EPPK1: variants seen among roughly 807,000 people sequenced by gnomAD.
The protein encoded by EPPK1 is epiplakin.
For missense variants in EPPK1, 3,823 were observed against 3,673.3 expected (o/e 1.04, Z -1.05); for synonymous variants, 1,862 against 1,721.2 (o/e 1.08, Z -2.03).
intron 1 of EPPK1, among the ~76,000 whole-genome samples, chr8:143,874,867 G>C (rs1034189353): frequency 6.6e-6 from 1 of 152,026 alleles, no homozygotes; most frequent in Non-Finnish European, 1.5e-5. Flanking sequence ...CGGATCCCAC[G>C]TTTGACCCCC....
Position 143,868,762 on chromosome 8 carries a change from G to A in EPPK1, c.4492C>T (p.Leu1498=). The A allele has an allele frequency of 1.3e-6, 2 of 1,592,306 alleles. No individual in the cohort carries two copies. The highest frequency in any genetic ancestry group is 1.7e-6 in the Non-Finnish European group (2 of 1,174,458). Residue 1498 remains leucine (L), a synonymous_variant, in exon 2 of 2, where the codon CTG becomes TTG. Coordinates refer to ENST00000615648, the MANE Select transcript of EPPK1 (RefSeq NM_031308.4). ...GTGACTGCGCTGACCACCTGCCGCAGGGCCGCAGCCCTCCCAGACCGACAG... is the reference window on the plus strand; with the variant it reads ...GTGACTGCGCTGACCACCTGCCGCAAGGCCGCAGCCCTCCCAGACCGACAG... ...ALCRSGRAAA[L]RQVVSAVTTL... is the part of the protein sequence containing the mutation.
rs1217637496 is a variant in EPPK1 at position 143,868,060 on chromosome 8, T to G, written c.5194A>C (p.Asn1732His). Residue 1732 changes from asparagine to histidine, a missense_variant, in exon 2 of 2, where the codon AAC (asparagine) becomes CAC (histidine). Physicochemically the swap from Asn to His is moderately conservative, Grantham distance 68. Coordinates refer to ENST00000615648, the MANE Select transcript of EPPK1 (RefSeq NM_031308.4). Reference sequence around the variant, plus strand: ...AGGTACGTGAGGTTCTCGTGCGTGTTGGGGTCGAAGAAGCCCTTGGTGTCG... The same window carrying G: ...AGGTACGTGAGGTTCTCGTGCGTGTGGGGGTCGAAGAAGCCCTTGGTGTCG... ...SDDTKGFFDP[N>H]THENLTYLQL... 1 of 1,613,480 alleles carries G rather than the reference T, an allele frequency of 6.2e-7. No individual in the cohort carries two copies. Among genetic ancestry groups the G allele is most frequent in the Non-Finnish European group, 8.5e-7 (1 of 1,180,032 alleles).
Position 143,867,196 on chromosome 8 carries a change from G to A in EPPK1, c.6058C>T (p.Gln2020Ter). ...TCCAGTGGGAGCCGGTGGTGGTGCT[G>A]TGGGTCGATGACACCCCCCGTGGCC... ...QVATGGVIDP[Q>*]HHHRLPLETA... is the part of the protein sequence containing the mutation. Residue 2020 changes from glutamine to a stop codon, truncating the protein, a stop_gained, in exon 2 of 2, where the codon CAG becomes TAG. Coordinates refer to ENST00000615648, the MANE Select transcript of EPPK1 (RefSeq NM_031308.4). LOFTEE classifies it low-confidence loss of function (END_TRUNC). 1.9e-6 allele frequency: 3 copies of A among 1,612,740 alleles called. No homozygotes were observed. Among genetic ancestry groups the A allele is most frequent in the Admixed American group, 1.7e-5 (1 of 60,016 alleles).
At position 143,869,499 on chromosome 8, in the gene EPPK1, A is replaced by T. The variant is rs782058123; in HGVS notation, c.3755T>A (p.Leu1252Gln). 1.3e-6 allele frequency: 2 copies of T among 1,548,038 alleles called. No individual in the cohort carries two copies. The highest frequency in any genetic ancestry group is 1.7e-6 in the Non-Finnish European group (2 of 1,151,604). Reference protein sequence around the residue: ...LWGTGCVAGVLLQPSGAKASI... With the variant: ...LWGTGCVAGVQLQPSGAKASI... ...GGCCTTGGCCCCAGAGGGCTGTAGCAGCACACCGGCCACGCAGCCTGTGCC... is the reference window on the plus strand; with the variant it reads ...GGCCTTGGCCCCAGAGGGCTGTAGCTGCACACCGGCCACGCAGCCTGTGCC... Residue 1252 changes from leucine (L) to glutamine (Q), a missense_variant, in exon 2 of 2, where the codon CTG becomes CAG. Leu to Gln is a moderately radical substitution (Grantham distance 113). Coordinates refer to ENST00000615648, the MANE Select transcript of EPPK1 (RefSeq NM_031308.4).
Position 143,868,715 on chromosome 8 carries a change from C to A in EPPK1, c.4539G>T (p.Glu1513Asp). ...TGAAGGTGGCCTGCAGGGGCTGCCT[C>A]TCTGCAGCCTCGACCAGGGTGGTGA... is the stretch of plus-strand genomic sequence containing the variant. ...SAVTTLVEAA[E>D]RQPLQATFRG... The change falls in exon 2 of 2, where the codon GAG becomes GAT. Residue 1513 changes from glutamate (E) to aspartate (D), a missense_variant. Coordinates refer to ENST00000615648, the MANE Select transcript of EPPK1 (RefSeq NM_031308.4). 1 of 1,579,148 alleles carries A rather than the reference C, an allele frequency of 6.3e-7. No homozygotes were observed. The highest frequency in any genetic ancestry group is 1.8e-5 in the Admixed American group (1 of 54,996).
rs371555322 is a variant in EPPK1 at position 143,867,936 on chromosome 8, G to A, written c.5318C>T (p.Thr1773Met). The A allele has an allele frequency of 3.8e-5, 61 of 1,613,590 alleles. No individual in the cohort carries two copies. Among genetic ancestry groups the A allele is most frequent in the South Asian group, 1.3e-4 (12 of 91,072 alleles). Residue 1773 changes from threonine (T) to methionine (M), a missense_variant, in exon 2 of 2, where the codon ACG becomes ATG. By Grantham distance (81) the Thr-to-Met change is moderately conservative. Coordinates refer to ENST00000615648, the MANE Select transcript of EPPK1 (RefSeq NM_031308.4). ...AGTTCTGGATTGCAACACGTGTCTCGTGGCCTCATTGATGTACACGTAGTT... is the reference window on the plus strand; with the variant it reads ...AGTTCTGGATTGCAACACGTGTCTCATGGCCTCATTGATGTACACGTAGTT... ...GENYVYINEA[T>M]RHVLQSRTAK...
In EPPK1 at chr8:143,867,530, C is replaced by A; in HGVS notation, c.5724G>T (p.Arg1908Ser). ...TGGCCTCATGGAGGCTCATGACCTC[C>A]CTGGTGGAGGGCACCGTGACCCCCG... ...CIAGVTVPST[R>S]EVMSLHEASR... Residue 1908 changes from arginine (R) to serine (S), a missense_variant, in exon 2 of 2, where the codon AGG becomes AGT. By Grantham distance (110) the Arg-to-Ser change is moderately radical. Coordinates refer to ENST00000615648, the MANE Select transcript of EPPK1 (RefSeq NM_031308.4). The A allele has an allele frequency of 6.2e-7, 1 of 1,612,660 alleles. No individual in the cohort carries two copies. Among genetic ancestry groups the A allele is most frequent in the Non-Finnish European group, 8.5e-7 (1 of 1,179,814 alleles).
In EPPK1 at chr8:143,871,449, A is replaced by T. The variant is rs782367356; in HGVS notation, c.1805T>A (p.Val602Glu). Reference sequence around the variant, plus strand: ...GCCCGTACCCTGCAGGTACCTCTGCACCGAGGCCAGGCTGCCCACATCCTT... The same window carrying T: ...GCCCGTACCCTGCAGGTACCTCTGCTCCGAGGCCAGGCTGCCCACATCCTT... ...TAKDVGSLAS[V>E]QRYLQGTGCI... Residue 602 changes from valine (V) to glutamate (E), a missense_variant, in exon 2 of 2, where the codon GTG becomes GAG. Transcript: ENST00000615648. 1 of 1,606,376 alleles carries T rather than the reference A, an allele frequency of 6.2e-7. No individual in the cohort carries two copies. The highest frequency in any genetic ancestry group is 1.3e-5 in the African/African-American group (1 of 74,826).
rs1554659559 is a variant in EPPK1, at chr8:143,867,666, CTGGAGT to C, written c.5582_5587del (p.Asn1861_Ser1862del). Reference sequence around the variant, plus strand: ...GTGCAGGGTCTTCTGATCGATGACCCTGGAGTTGAACAGGTCTGCAGCTGTCACCTC... The same window carrying C: ...GTGCAGGGTCTTCTGATCGATGACCCTGAACAGGTCTGCAGCTGTCACCTC... On this transcript the variant is annotated inframe_deletion, in exon 2 of 2. Transcript: ENST00000615648. 1.2e-6 allele frequency: 2 copies of C among 1,613,532 alleles called. No individual in the cohort carries two copies. The highest frequency in any genetic ancestry group is 2.2e-5 in the East Asian group (1 of 44,884).
Position 143,868,803 on chromosome 8 carries a change from C to A in EPPK1, c.4451G>T (p.Arg1484Leu). The change falls in exon 2 of 2, where the codon CGG (arginine) becomes CTG (leucine). Residue 1484 changes from arginine (R) to leucine (L), a missense_variant. By Grantham distance (102) the Arg-to-Leu change is moderately radical. Coordinates refer to ENST00000615648, the MANE Select transcript of EPPK1 (RefSeq NM_031308.4). ...LSEYVGADKRRELVALCRSGR... is the reference protein window; with the variant it reads ...LSEYVGADKRLELVALCRSGR... ...AGACCGACAGAGTGCCACCAGCTCC[C>A]GCCGCTTGTCAGCGCCAACGTATTC... The A allele has an allele frequency of 1.2e-6, 2 of 1,602,576 alleles. No individual in the cohort carries two copies. The highest frequency in any genetic ancestry group is 1.7e-6 in the Non-Finnish European group (2 of 1,178,852).
chr8:143,876,980 G>A (rs868948796), intron 1 of EPPK1, among the ~76,000 whole-genome samples: 126 of 152,372 alleles, frequency 8.3e-4, no homozygotes, highest in Middle Eastern at 6.8e-3. Context: ...CGTGCTAAGC[G>A]GGCCTCGTAA....
chr8:143,865,963 G>A lies in EPPK1; in HGVS notation c.7291C>T (p.Leu2431=). 8.1e-6 allele frequency: 1 copy of A among 122,772 alleles called. No homozygotes were observed. The highest frequency in any genetic ancestry group is 4.9e-5 in the South Asian group (1 of 20,428). 7.6% of individuals were successfully genotyped at this position (122,772 alleles called of 1,614,324 possible). The change falls in exon 2 of 2, where the codon CTG becomes TTG. Residue 2431 remains leucine (L), a synonymous_variant. Coordinates refer to ENST00000615648, the MANE Select transcript of EPPK1 (RefSeq NM_031308.4). The stretch of plus-strand genomic sequence containing the variant: ...CGGGCGTCGCGCAGGGCACAGCGCA[G>A]CTCCTCGCTCAGCTGGTGCACGGCG... ...GSAVHQLSEE[L]RCALRDARVT...
chr8:143,871,714 GC>G lies in EPPK1; in HGVS notation c.1539del (p.Leu514SerfsTer32). ...FRGRPVSLWE[L>X]LFSEAISSEQ... The stretch of plus-strand genomic sequence containing the variant: ...TCTGAGGAGATGGCCTCAGAGAAGA[GC>G]AGCTCCCAGAGGGACACGGGCCGGC... On this transcript the variant is annotated frameshift_variant, in exon 2 of 2. Transcript: ENST00000615648. LOFTEE classifies it low-confidence loss of function (END_TRUNC). 6.2e-7 allele frequency: 1 copy of G among 1,608,442 alleles called. No homozygotes were observed. Among genetic ancestry groups the G allele is most frequent in the East Asian group, 2.2e-5 (1 of 44,810 alleles).
In EPPK1 at chr8:143,858,029, G is replaced by A; in HGVS notation, c.15225C>T (p.Asp5075=). 2 of 1,612,884 alleles carry A rather than the reference G, an allele frequency of 1.2e-6. No homozygotes were observed. Residue 5075 remains aspartate (D), a synonymous_variant, in exon 2 of 2, where the codon GAC becomes GAT. Coordinates refer to ENST00000615648, the MANE Select transcript of EPPK1 (RefSeq NM_031308.4). Reference sequence around the variant, plus strand: ...AAAGAAATAGGAGCCCCGTCTCAGGGTCCAGGGTGGCCCTCTGCAGAAGCT... The same window carrying A: ...AAAGAAATAGGAGCCCCGTCTCAGGATCCAGGGTGGCCCTCTGCAGAAGCT... ...YLQLLQRATL[D]PETGLLFLSL... is the part of the protein sequence containing the mutation.
Position 143,873,195 on chromosome 8 carries a change from G to C in EPPK1, c.59C>G (p.Ala20Gly). Residue 20 changes from alanine (A) to glycine (G), a missense_variant, in exon 2 of 2, where the codon GCC (alanine) becomes GGC (glycine). Coordinates refer to ENST00000615648, the MANE Select transcript of EPPK1 (RefSeq NM_031308.4). The part of the protein sequence containing the change: ...PVPGTNSTEQ[A>G]SVPRAMAATL... ...GGCTGCCATGGCTCTGGGTACACTGGCCTGCTCTGTGCTGTTGGTGCCTGG... is the reference window on the plus strand; with the variant it reads ...GGCTGCCATGGCTCTGGGTACACTGCCCTGCTCTGTGCTGTTGGTGCCTGG... 1 of 1,593,442 alleles carries C rather than the reference G, an allele frequency of 6.3e-7. No individual in the cohort carries two copies. The highest frequency in any genetic ancestry group is 8.5e-7 in the Non-Finnish European group (1 of 1,172,986).
Position 143,871,415 on chromosome 8 carries a change from A to G in EPPK1, c.1839T>C (p.Ala613=). 4 of 1,604,574 alleles carry G rather than the reference A, an allele frequency of 2.5e-6. No homozygotes were observed. Among genetic ancestry groups the G allele is most frequent in the Non-Finnish European group, 3.4e-6 (4 of 1,176,844 alleles). The change falls in exon 2 of 2, where the codon GCT becomes GCC. Residue 613 remains alanine (A), a synonymous_variant. Coordinates refer to ENST00000615648, the MANE Select transcript of EPPK1 (RefSeq NM_031308.4). ...CCTGGGAGCCAGGGAGCAGCAGGCC[A>G]GCAATGCAGCCCGTACCCTGCAGGT... ...QRYLQGTGCI[A]GLLLPGSQER...
rs1332713214 is a variant in EPPK1, at chr8:143,869,078, C to T, written c.4176G>A (p.Val1392=). The change falls in exon 2 of 2, where the codon GTG becomes GTA. Residue 1392 remains valine (V), a synonymous_variant. Transcript: ENST00000615648. Reference sequence around the variant, plus strand: ...TGTTGTCCTTGTCAACTGCAGTCAGCACCTGGCTCGTCTGTGTGTCCAGAA... The same window carrying T: ...TGTTGTCCTTGTCAACTGCAGTCAGTACCTGGCTCGTCTGTGTGTCCAGAA... ...LGLLDTQTSQ[V]LTAVDKDNKF... is the part of the protein sequence containing the mutation. The T allele has an allele frequency of 1.2e-6, 2 of 1,607,896 alleles. No homozygotes were observed. The highest frequency in any genetic ancestry group is 1.3e-5 in the African/African-American group (1 of 74,948).
At chr8:143,876,344 TGGAGGACGGGGAGGCAGCCCCA>T (rs1339508916) in intron 1 of EPPK1, among the ~76,000 whole-genome samples, 1 of 152,188 alleles carries the variant, frequency 6.6e-6, no homozygotes, top group African/African-American at 2.4e-5. Context: ...GCATCCAGTC[TGGAGGACGGGGAGGCAGCCCCA>T]GGGGCCAGGT....
In EPPK1 at chr8:143,871,860, A is replaced by C; in HGVS notation, c.1394T>G (p.Phe465Cys). 6.2e-7 allele frequency: 1 copy of C among 1,608,694 alleles called. No individual in the cohort carries two copies. Among genetic ancestry groups the C allele is most frequent in the Non-Finnish European group, 8.5e-7 (1 of 1,179,088 alleles). Residue 465 changes from phenylalanine (F) to cysteine (C), a missense_variant, in exon 2 of 2, where the codon TTC (phenylalanine) becomes TGC (cysteine). Phe to Cys is a radical substitution (Grantham distance 205). Coordinates refer to ENST00000615648, the MANE Select transcript of EPPK1 (RefSeq NM_031308.4). ...CVTDPETGLA[F>C]LPLSGGPRGG... ...CCGGGGTCCCCCTGAGAGTGGCAGG[A>C]AGGCAAGCCCGGTCTCTGGGTCGGT...
Sources: allele counts gnomAD v4.1 joint callset (sites outside exome capture counted in the v4.1 genomes callset), GRCh38; gene constraint gnomAD v4.1.1; transcripts MANE v1.5; gene names NCBI Gene and HGNC (gene_info 2026-07-23, HGNC 2026-07-21).